Variants in THSD4 observed in about 807,000 individuals in gnomAD.
The protein encoded by THSD4 is thrombospondin type 1 domain containing 4, also known as thrombospondin type-1 domain-containing protein 4.
THSD4 carries 69 observed loss-of-function variants against 119.0 expected under a neutral mutation model. The ratio of observed to expected loss-of-function variants is 0.58; its 90% CI spans 0.48 to 0.71. The LOEUF is 0.71. THSD4 is among the 30% of genes least tolerant of loss of function. The pLI, the probability that THSD4 is intolerant of heterozygous loss-of-function variation, is 0.00. For synonymous variants in THSD4, 524 were observed against 540.4 expected (o/e 0.97, Z 0.42); for missense variants, 1,393 against 1,391.1 (o/e 1.00, Z -0.02).
chr15:71,698,398 C>T (rs2052210700), intron 8 of THSD4, among the ~76,000 whole-genome samples: 1 of 151,856 alleles, frequency 6.6e-6, no homozygotes, highest in Non-Finnish European at 1.5e-5. Flanking sequence ...TAAATGAGTG[C>T]AGCCACTATG....
At position 71,242,698 on chromosome 15, in the gene THSD4, G is replaced by A. The variant is rs959512122; in HGVS notation, c.514G>A (p.Ala172Thr). The change falls in exon 5 of 18, where the codon GCC becomes ACC. Residue 172 changes from alanine to threonine, a missense_variant. Physicochemically the swap from Ala to Thr is moderately conservative, Grantham distance 58. Transcript: ENST00000261862. ...IGPGKYGYGK[A>T]PYILPLQTDT... ...CCCTGGCAAGTATGGCTATGGTAAG[G>A]CCCCATATATCTTACCACTGCAGAC... 2.5e-6 allele frequency: 4 copies of A among 1,614,096 alleles called. No individual in the cohort carries two copies. In the Admixed American group the frequency reaches 5.0e-5, roughly 20 times the overall value.
chr15:71,670,756 T>C (rs1243123051), intron 8 of THSD4, among the ~76,000 whole-genome samples: 2 of 152,064 alleles, frequency 1.3e-5, no homozygotes, highest in Non-Finnish European at 2.9e-5. Flanking sequence ...TTTGGTTTTC[T>C]GTCCTTGCAA....
chr15:71,651,996 C>T (rs1333900720), intron 7 of THSD4, among the ~76,000 whole-genome samples: 2 of 152,224 alleles, frequency 1.3e-5, no homozygotes, highest in Non-Finnish European at 2.9e-5. Context: ...TGAGAGCCTT[C>T]TGGGGACCTG....
rs747085216 is a variant in THSD4, at chr15:71,643,447, C to T, written c.1153-17083C>T. 2.6e-5 allele frequency among the ~76,000 whole-genome samples: 4 copies of T among 152,018 alleles called. 1 individual carries two copies. Among genetic ancestry groups the T allele is most frequent in the Admixed American group, 2.6e-4 (4 of 15,240 alleles). ...GTACCCAATAGTTATTTTTTCTGCT[C>T]CTCTCCTTTCTCCCACCCTCCATCC... is the stretch of plus-strand genomic sequence containing the variant. On this transcript the variant is annotated intron_variant, in intron 7 of 17. Transcript: ENST00000261862.
At chr15:71,696,332 A>G (rs144543655) in intron 8 of THSD4, among the ~76,000 whole-genome samples, 1 of 152,310 alleles carries the variant, frequency 6.6e-6, no homozygotes, top group East Asian at 1.9e-4. Flanking sequence ...ACCTCACTTT[A>G]TAACAACCCA....
At chr15:71,495,741 C>T (rs1230116987) in intron 7 of THSD4, among the ~76,000 whole-genome samples, 1 of 152,190 alleles carries the variant, frequency 6.6e-6, no homozygotes, top group African/African-American at 2.4e-5. Flanking sequence ...AGTCTAAAAA[C>T]GCTTAATCCC....
rs2052388992 is a variant in THSD4 at position 71,706,207 on chromosome 15, A to G, written c.1358-22342A>G. ...TGGGGTGTGGAAGTTTTGACTGCTC[A>G]TGGTGGAATGAGGATGCAGCTTGCT... On this transcript the variant is annotated intron_variant, in intron 8 of 17. Transcript: ENST00000261862. Among the ~76,000 whole-genome samples, 4 of 152,176 alleles carry G rather than the reference A, an allele frequency of 2.6e-5. No homozygotes were observed. In the South Asian group the frequency reaches 8.3e-4, roughly 32 times the overall value.
intron 2 of THSD4, among the ~76,000 whole-genome samples, chr15:71,152,753 G>A (rs2040736558): frequency 6.6e-6 from 1 of 152,136 alleles, no homozygotes; most frequent in Non-Finnish European, 1.5e-5. Flanking sequence ...TCCTCTCTCA[G>A]GGCACTTTGG....
intron 11 of THSD4, among the ~76,000 whole-genome samples, chr15:71,744,563 G>A (rs2053298764): frequency 6.6e-6 from 1 of 152,098 alleles, no homozygotes; most frequent in African/African-American, 2.4e-5. Flanking sequence ...AATGTACCTG[G>A]TGTAGCAGGC....
intron 8 of THSD4, among the ~76,000 whole-genome samples, chr15:71,727,563 T>C (rs1243427099): frequency 2.3e-4 from 28 of 119,180 alleles, no homozygotes; most frequent in African/African-American, 1.1e-3. Context: ...AATATATATA[T>C]ATATATATAT....
At chr15:71,109,630 G>A (rs2040289441) in intron 1 of THSD4, among the ~76,000 whole-genome samples, 1 of 151,948 alleles carries the variant, frequency 6.6e-6, no homozygotes, top group African/African-American at 2.4e-5. Flanking sequence ...GCGGTGTAGT[G>A]TTTGGGGGAC....
chr15:71,341,435 T>C (rs2045573668), intron 6 of THSD4: 3 of 1,613,066 alleles, frequency 1.9e-6, no homozygotes, highest in Non-Finnish European at 2.5e-6. Context: ...TTTAAGCATG[T>C]GCAGCAAGAA....
intron 5 of THSD4, among the ~76,000 whole-genome samples, chr15:71,251,852 G>A (rs546462073): frequency 1.6e-4 from 25 of 152,254 alleles, no homozygotes; most frequent in African/African-American, 5.8e-4. Flanking sequence ...TGTGGCTGGA[G>A]TTTCCATAAT....
chr15:71,156,082 C>T (rs1321341749), intron 3 of THSD4, among the ~76,000 whole-genome samples: 2 of 152,134 alleles, frequency 1.3e-5, no homozygotes, highest in Non-Finnish European at 2.9e-5. Context: ...GATCCTTGAT[C>T]AATGTTTCCT....
At chr15:71,520,002 A>C (rs1341326155) in intron 7 of THSD4, among the ~76,000 whole-genome samples, 1 of 152,154 alleles carries the variant, frequency 6.6e-6, no homozygotes, top group Non-Finnish European at 1.5e-5. Flanking sequence ...GCTAGTTTTT[A>C]TTGAACATGT....
chr15:71,277,551 A>G (rs1223527018), intron 6 of THSD4, among the ~76,000 whole-genome samples: 1 of 152,232 alleles, frequency 6.6e-6, no homozygotes, highest in Non-Finnish European at 1.5e-5. Flanking sequence ...AGGCTTCACC[A>G]TCAGTTAACT....
chr15:71,156,362 ATTC>A, intron 3 of THSD4, among the ~76,000 whole-genome samples: 1 of 151,520 alleles, frequency 6.6e-6, no homozygotes, highest in East Asian at 1.9e-4. Flanking sequence ...GGTTCAAGTG[ATTC>A]TTCTGCCTCA....
At chr15:71,487,370 C>T (rs1724633267) in intron 7 of THSD4, among the ~76,000 whole-genome samples, 1 of 152,184 alleles carries the variant, frequency 6.6e-6, no homozygotes, top group Non-Finnish European at 1.5e-5. Flanking sequence ...CAGCTGCAGA[C>T]TAGTTTTCAG....
chr15:71,502,856 A>G (rs2048132070), intron 7 of THSD4, among the ~76,000 whole-genome samples: 1 of 152,212 alleles, frequency 6.6e-6, no homozygotes, highest in South Asian at 2.1e-4. Flanking sequence ...GGCCAAAATA[A>G]GAACTATAAT....
Sources: allele counts gnomAD v4.1 joint callset (sites outside exome capture counted in the v4.1 genomes callset), GRCh38; gene constraint gnomAD v4.1.1; transcripts MANE v1.5; gene names NCBI Gene and HGNC (gene_info 2026-07-23, HGNC 2026-07-21).